CDH12: variants seen among roughly 807,000 people sequenced by gnomAD.
CDH12 encodes cadherin 12, also known as cadherin-12.
A neutral mutation model predicts 74.1 loss-of-function variants in CDH12; 41 were observed. That is an observed-to-expected ratio of 0.55 (90% CI 0.43 to 0.72). The LOEUF (loss-of-function observed/expected upper bound fraction) is 0.72, where lower values mean the gene tolerates loss of function less well. Ranked by LOEUF, CDH12 falls within the 30% of genes least tolerant of loss-of-function variation. The pLI, the probability that CDH12 is intolerant of heterozygous loss-of-function variation, is 0.00. For synonymous variants in CDH12, 399 were observed against 355.0 expected (o/e 1.12, Z -1.39); for missense variants, 945 against 977.2 (o/e 0.97, Z 0.44).
chr5:22,489,532 G>A (rs1040161271), intron 2 of CDH12, among the ~76,000 whole-genome samples: 1 of 151,856 alleles, frequency 6.6e-6, no homozygotes, highest in Non-Finnish European at 1.5e-5. Flanking sequence ...CGCAATTTTG[G>A]TATTGAAGAT....
chr5:22,119,910 A>G (rs1745405040), intron 4 of CDH12, among the ~76,000 whole-genome samples: 1 of 152,198 alleles, frequency 6.6e-6, no homozygotes, highest in Non-Finnish European at 1.5e-5. Flanking sequence ...AAAGGATGCT[A>G]ATAAAAACTT....
At chr5:21,825,633 C>G (rs1211361885) in intron 8 of CDH12, among the ~76,000 whole-genome samples, 2 of 152,158 alleles carry the variant, frequency 1.3e-5, no homozygotes, top group Admixed American at 6.6e-5. Context: ...ACTCCACAAG[C>G]AGCCTTACCC....
chr5:21,971,363 G>A lies in CDH12; in HGVS notation c.526+3728C>T, dbSNP rs187894515. ...TTTTCACATTAAAAAAAATCCAACA[G>A]TGAATAATACTGCATTGGGGTTACT... On this transcript the variant is annotated intron_variant, in intron 6 of 14. Coordinates refer to ENST00000382254, the MANE Select transcript of CDH12 (RefSeq NM_004061.5). Among the ~76,000 whole-genome samples the A allele has an allele frequency of 2.5e-3, 374 of 152,056 alleles. 2 individuals carry two copies. Among genetic ancestry groups the A allele is most frequent in the African/African-American group, 8.5e-3 (352 of 41,484 alleles).
At position 21,824,653 on chromosome 5, in the gene CDH12, T is replaced by C. The variant is rs533687374; in HGVS notation, c.815-7521A>G. ...TGAGACGCATATCATTCCATGAATT[T>C]CCCCCATTTTCTGGGAAAATATATT... On this transcript the variant is annotated intron_variant, in intron 8 of 14. Transcript: ENST00000382254. Among the ~76,000 whole-genome samples the C allele has an allele frequency of 1.1e-4, 17 of 152,240 alleles. No homozygotes were observed. In the South Asian group the frequency reaches 3.5e-3, roughly 32 times the overall value.
intron 1 of CDH12, among the ~76,000 whole-genome samples, chr5:22,605,021 T>C (rs940299322): frequency 2.0e-5 from 3 of 151,968 alleles, no homozygotes; most frequent in African/African-American, 7.3e-5. Context: ...TGTATCAACT[T>C]GGACATTGTT....
At chr5:21,837,483 T>C in intron 8 of CDH12, among the ~76,000 whole-genome samples, 1 of 148,276 alleles carries the variant, frequency 6.7e-6, no homozygotes, top group East Asian at 2.0e-4. Context: ...TTTTTTTTTT[T>C]TAGCATAAGT....
chr5:22,137,519 A>G (rs1458209089), intron 4 of CDH12, among the ~76,000 whole-genome samples: 2 of 152,036 alleles, frequency 1.3e-5, no homozygotes, highest in African/African-American at 4.8e-5. Flanking sequence ...GTTCCCCTTT[A>G]ACATTTCTGA....
At chr5:21,863,607 A>G (rs80304191) in intron 6 of CDH12, among the ~76,000 whole-genome samples, 4,290 of 152,250 alleles carry the variant, frequency 0.028, 121 homozygotes, top group African/African-American at 0.063. Context: ...AGAATTCTGT[A>G]AAGAGTGACC....
At position 21,751,220 on chromosome 5, in the gene CDH12, CAG is replaced by C. The variant is rs1319735894; in HGVS notation, c.*515_*516del. ...TGTTCTCAAAAGGAATGAGGAGAGT[CAG>C]AGTGTCGCTATTGCTTCTTGACATA... On this transcript the variant is annotated 3_prime_UTR_variant, in exon 15 of 15. Transcript: ENST00000382254. The C allele has an allele frequency of 3.3e-5, 5 of 152,468 alleles. No homozygotes were observed. The highest frequency in any genetic ancestry group is 1.2e-4 in the African/African-American group (5 of 41,258). The allele number at this position is 152,468 out of a possible 1,614,324, so 9.4% of individuals were successfully genotyped here.
At chr5:22,291,942 A>C (rs1737404160) in intron 3 of CDH12, among the ~76,000 whole-genome samples, 1 of 152,172 alleles carries the variant, frequency 6.6e-6, no homozygotes. Flanking sequence ...ATACCACCTG[A>C]CTTCAAAATA....
intron 2 of CDH12, among the ~76,000 whole-genome samples, chr5:22,437,027 T>G (rs1744425811): frequency 6.6e-6 from 1 of 152,146 alleles, no homozygotes; most frequent in African/African-American, 2.4e-5. Flanking sequence ...CTTTTATACC[T>G]TTTAATTATA....
chr5:22,704,959 A>C (rs1742912170), intron 1 of CDH12, among the ~76,000 whole-genome samples: 1 of 152,002 alleles, frequency 6.6e-6, no homozygotes, highest in Non-Finnish European at 1.5e-5. Flanking sequence ...TTCTTAGCTC[A>C]TACAAAAAAT....
chr5:22,735,166 G>T (rs1473061380), intron 1 of CDH12, among the ~76,000 whole-genome samples: 1 of 151,758 alleles, frequency 6.6e-6, no homozygotes, highest in Non-Finnish European at 1.5e-5. Flanking sequence ...GCCACCTATC[G>T]CAACTACCTC....
intron 9 of CDH12, among the ~76,000 whole-genome samples, chr5:21,808,393 G>A (rs1333272765): frequency 6.6e-6 from 1 of 151,436 alleles, no homozygotes; most frequent in Non-Finnish European, 1.5e-5. Context: ...TACCAACACA[G>A]TAAAGCCATC....
intron 6 of CDH12, among the ~76,000 whole-genome samples, chr5:21,934,918 C>T (rs1755008056): frequency 6.6e-6 from 1 of 152,170 alleles, no homozygotes; most frequent in South Asian, 2.1e-4. Context: ...TCCCGAGTAA[C>T]TGCGACTACA....
At chr5:22,641,634 G>A (rs1739156766) in intron 1 of CDH12, among the ~76,000 whole-genome samples, 1 of 152,092 alleles carries the variant, frequency 6.6e-6, no homozygotes. Context: ...TGAATATGCT[G>A]GATTTTTTCT....
chr5:22,743,856 A>C (rs925600652), intron 1 of CDH12, among the ~76,000 whole-genome samples: 3 of 151,884 alleles, frequency 2.0e-5, no homozygotes, highest in Non-Finnish European at 4.4e-5. Context: ...CTTACTTATC[A>C]GTCTCTGGCT....
chr5:22,444,697 T>C (rs1243286281), intron 2 of CDH12, among the ~76,000 whole-genome samples: 1 of 152,092 alleles, frequency 6.6e-6, no homozygotes, highest in East Asian at 1.9e-4. Context: ...AACTCAGCGG[T>C]ATATATTGAG....
intron 1 of CDH12, among the ~76,000 whole-genome samples, chr5:22,518,743 G>A (rs1322706432): frequency 6.6e-6 from 1 of 152,120 alleles, no homozygotes; most frequent in African/African-American, 2.4e-5. Flanking sequence ...CAACGACAAT[G>A]GCATGGGGCA....
Sources: allele counts gnomAD v4.1 joint callset (sites outside exome capture counted in the v4.1 genomes callset), GRCh38; gene constraint gnomAD v4.1.1; transcripts MANE v1.5; gene names NCBI Gene and HGNC (gene_info 2026-07-23, HGNC 2026-07-21).